DGKI: variants seen among roughly 807,000 people sequenced by gnomAD.
DGKI encodes the protein diacylglycerol kinase iota.
A neutral mutation model predicts 147.5 loss-of-function variants in DGKI; 55 were observed. The observed-to-expected ratio is 0.37, with a 90% confidence interval of 0.30 to 0.47. The LOEUF is 0.47. Among genes scored for constraint, DGKI ranks in the 20% least tolerant of loss-of-function variants. The pLI, the probability that DGKI is intolerant of heterozygous loss-of-function variation, is 1.00. For missense variants in DGKI, 1,007 were observed against 1,323.8 expected (o/e 0.76, Z 3.71); for synonymous variants, 469 against 477.1 (o/e 0.98, Z 0.22).
chr7:137,781,858 G>A (rs1391684668), intron 1 of DGKI, among the ~76,000 whole-genome samples: 8 of 152,190 alleles, frequency 5.3e-5, no homozygotes, highest in Non-Finnish European at 1.2e-4. Flanking sequence ...GGCATCCTAC[G>A]AGTTGAGCAT....
At chr7:137,836,681 T>G (rs1267907732) in intron 1 of DGKI, among the ~76,000 whole-genome samples, 1 of 152,164 alleles carries the variant, frequency 6.6e-6, no homozygotes, top group South Asian at 2.1e-4. Flanking sequence ...CCCAGGAAAC[T>G]GGATTTATTC....
At position 137,665,402 on chromosome 7, in the gene DGKI, A is replaced by G. The variant is rs547898791; in HGVS notation, c.607-8862T>C. ...TCATCAGCAGCTCAGGAGGGCTTCA[A>G]TCCTACCCCTTGGGCAGCTTTGCTG... On this transcript the variant is annotated intron_variant, in intron 3 of 32. Transcript: ENST00000614521. Among the ~76,000 whole-genome samples, 6 of 152,292 alleles carry G rather than the reference A, an allele frequency of 3.9e-5. No individual in the cohort carries two copies. In the South Asian group the frequency reaches 8.3e-4, roughly 21 times the overall value.
At chr7:137,526,681 C>CA (rs1433200122) in intron 20 of DGKI, among the ~76,000 whole-genome samples, 1 of 152,068 alleles carries the variant, frequency 6.6e-6, no homozygotes, top group East Asian at 1.9e-4. Context: ...CCTGAACACT[C>CA]ACTGCTATTC....
Position 137,788,568 on chromosome 7 carries a change from C to T in DGKI, c.401+57894G>A, listed in dbSNP as rs79612724. On this transcript the variant is annotated intron_variant, in intron 1 of 32. Transcript: ENST00000614521. ...CTCCTGCTCATGGCCAAGGACTCCTCGCCTGTATATCTCTATTCTTGTTGG... is the reference window on the plus strand; with the variant it reads ...CTCCTGCTCATGGCCAAGGACTCCTTGCCTGTATATCTCTATTCTTGTTGG... Among the ~76,000 whole-genome samples the T allele has an allele frequency of 1.9e-3, 280 of 151,158 alleles. 4 individuals are homozygous for T. The highest frequency in any genetic ancestry group is 0.016 in the East Asian group (83 of 5,146).
rs1473545309 is a variant in DGKI at position 137,472,304 on chromosome 7, G to GTGTATATACATATAATATAATA, written c.2374-2686_2374-2685insTATTATATTATATGTATATACA. Among the ~76,000 whole-genome samples, 2 of 1,650 alleles carry GTGTATATACATATAATATAATA rather than the reference G, an allele frequency of 1.2e-3. 1 individual carries two copies. Among genetic ancestry groups the GTGTATATACATATAATATAATA allele is most frequent in the Non-Finnish European group, 5.1e-3 (2 of 390 alleles). The allele number at this position is 1,650 out of a possible 152,430, so 1.1% of individuals were successfully genotyped here. The stretch of plus-strand genomic sequence containing the variant: ...ATATTATATGTATGTGTATATTTAT[G>GTGTATATACATATAATATAATA]TGTATATACATATAATTATTATATG... On this transcript the variant is annotated intron_variant, in intron 23 of 32. Transcript: ENST00000614521.
At chr7:137,838,857 T>C (rs1192570090) in intron 1 of DGKI, among the ~76,000 whole-genome samples, 1 of 152,208 alleles carries the variant, frequency 6.6e-6, no homozygotes, top group Non-Finnish European at 1.5e-5. Context: ...TCTGAAATAA[T>C]CCAGGGCAGG....
intron 1 of DGKI, among the ~76,000 whole-genome samples, chr7:137,733,144 C>T (rs1794931722): frequency 6.6e-6 from 1 of 151,792 alleles, no homozygotes; most frequent in Admixed American, 6.6e-5. Flanking sequence ...GTGGCATTAA[C>T]TACATTCACA....
intron 20 of DGKI, among the ~76,000 whole-genome samples, chr7:137,543,634 A>G (rs1585215078): frequency 6.6e-6 from 1 of 152,152 alleles, no homozygotes; most frequent in Non-Finnish European, 1.5e-5. Context: ...AGAAAAGACC[A>G]TCTGTAAAAA....
chr7:137,414,223 G>C (rs1419179459), intron 28 of DGKI, among the ~76,000 whole-genome samples: 1 of 152,080 alleles, frequency 6.6e-6, no homozygotes, highest in African/African-American at 2.4e-5. Context: ...CACTGCCCCT[G>C]GGCTGAGTGC....
At chr7:137,425,252 G>T (rs905851749) in intron 28 of DGKI, among the ~76,000 whole-genome samples, 1 of 152,232 alleles carries the variant, frequency 6.6e-6, no homozygotes, top group Non-Finnish European at 1.5e-5. Context: ...AAAATCTGCT[G>T]TTCTGCAGCG....
chr7:137,817,525 C>T (rs1797774963), intron 1 of DGKI, among the ~76,000 whole-genome samples: 1 of 152,162 alleles, frequency 6.6e-6, no homozygotes, highest in African/African-American at 2.4e-5. Flanking sequence ...GAGTACTTTT[C>T]TTATGTGTAT....
chr7:137,790,354 A>G (rs1474541564), intron 1 of DGKI, among the ~76,000 whole-genome samples: 2 of 152,154 alleles, frequency 1.3e-5, no homozygotes, highest in South Asian at 4.2e-4. Flanking sequence ...CATGATCCGA[A>G]GACTGACTCT....
At chr7:137,487,328 T>C (rs1815600482) in intron 22 of DGKI, among the ~76,000 whole-genome samples, 1 of 152,148 alleles carries the variant, frequency 6.6e-6, no homozygotes, top group African/African-American at 2.4e-5. Flanking sequence ...ATCTCAAATA[T>C]ACAGGTATGT....
rs748926982 is a variant in DGKI at position 137,645,576 on chromosome 7, T to G, written c.739-39A>C. 14 of 1,556,628 alleles carry G rather than the reference T, an allele frequency of 9.0e-6. No individual in the cohort carries two copies. In the South Asian group the frequency reaches 1.5e-4, roughly 17 times the overall value. On this transcript the variant is annotated intron_variant, in intron 5 of 32. Transcript: ENST00000614521. ...AAATTAAATGAATATTTTTAAAAAT[T>G]TATTTCTATAGACAGGGTCTTGCTC...
At chr7:137,519,255 C>A (rs1343738512) in intron 21 of DGKI, among the ~76,000 whole-genome samples, 1 of 152,034 alleles carries the variant, frequency 6.6e-6, no homozygotes, top group African/African-American at 2.4e-5. Flanking sequence ...TAAAGGGCTG[C>A]CATCCATTAT....
intron 32 of DGKI, among the ~76,000 whole-genome samples, chr7:137,394,807 A>T (rs949462386): frequency 1.3e-5 from 2 of 152,082 alleles, no homozygotes; most frequent in African/African-American, 4.8e-5. Flanking sequence ...AACAAAACAG[A>T]CTCCATAAAC....
intron 32 of DGKI, among the ~76,000 whole-genome samples, chr7:137,393,791 T>C (rs1205236197): frequency 1.3e-5 from 2 of 152,130 alleles, no homozygotes; most frequent in Admixed American, 6.6e-5. Context: ...AGGGTGCTCA[T>C]GGGTTGCCAG....
chr7:137,501,959 C>T (rs1435751177), intron 21 of DGKI, among the ~76,000 whole-genome samples: 5 of 152,112 alleles, frequency 3.3e-5, no homozygotes, highest in Admixed American at 6.6e-5. Flanking sequence ...GTGAATGGGT[C>T]TCACAAGATC....
chr7:137,557,454 A>T (rs1314270410), intron 19 of DGKI, among the ~76,000 whole-genome samples: 1 of 152,230 alleles, frequency 6.6e-6, no homozygotes, highest in African/African-American at 2.4e-5. Context: ...GTGGCATTAT[A>T]AATTATTGGA....
Sources: gnomAD v4.1 joint callset for allele counts (sites outside exome capture counted in the v4.1 genomes callset) on GRCh38, gnomAD v4.1.1 for gene constraint, MANE v1.5 for transcripts, NCBI Gene and HGNC (gene_info 2026-07-23, HGNC 2026-07-21) for gene names.